The following NAV3 variants were observed in gnomAD, a reference collection of about 807,000 sequenced individuals.
The protein encoded by NAV3 is neuron navigator 3.
In NAV3, 87 loss-of-function variants were observed where a neutral mutation model predicts 244.7. That is an observed-to-expected ratio of 0.36 (90% CI 0.30 to 0.42). The LOEUF (loss-of-function observed/expected upper bound fraction) is 0.42. Ranked by LOEUF, NAV3 falls within the 20% of genes least tolerant of loss-of-function variation. The probability of loss-of-function intolerance (pLI) is 1.00; values close to 1 mark genes in which losing one functional copy is unlikely to be tolerated. For synonymous variants in NAV3, 1,126 were observed against 1,042.2 expected, an observed-to-expected ratio of 1.08 and a Z score of -1.55; for missense variants, 2,663 against 2,893.3, an observed-to-expected ratio of 0.92 and a Z score of 1.83.
rs760601445 is a variant in NAV3, at chr12:77,940,464, T to A, written c.361+28T>A. The A allele has an allele frequency of 1.6e-5, 24 of 1,548,278 alleles. No homozygotes were observed. The East Asian group carries it at 5.2e-4, about 33-fold the overall frequency. ...AAGCCCTTCCTTCTGAAAGAAAGCA[T>A]GAAAGTCTCTGCTCCCATCTCTTTG... On this transcript the variant is annotated intron_variant, in intron 2 of 39. Coordinates refer to ENST00000397909, the MANE Select transcript of NAV3 (RefSeq NM_001024383.2).
At position 78,144,737 on chromosome 12, in the gene NAV3, C is replaced by T. The variant is rs74107126; in HGVS notation, c.4684-1632C>T. Among the ~76,000 whole-genome samples the T allele has an allele frequency of 3.5e-3, 529 of 150,870 alleles. 5 individuals carry two copies. The highest frequency in any genetic ancestry group is 0.012 in the African/African-American group (481 of 41,224). On this transcript the variant is annotated intron_variant, in intron 20 of 39. Transcript: ENST00000397909. ...AAGAATAAATTATTATTTAAAAATA[C>T]ATGAATTATTTATTGATTCTTGAAT...
At chr12:77,708,742 G>A (rs1414953480) in intron 2 of NAV3, among the ~76,000 whole-genome samples, 1 of 152,150 alleles carries the variant, frequency 6.6e-6, no homozygotes, top group East Asian at 1.9e-4. Flanking sequence ...TTGTTGAGCA[G>A]TGGTTTGTAG....
At chr12:78,050,673 C>A (rs1882609827) in intron 10 of NAV3, 91 bp from the exon 11 acceptor site, 2 of 1,340,120 alleles carry the variant, frequency 1.5e-6, no homozygotes, top group Non-Finnish European at 2.0e-6. Flanking sequence ...TAAGAGATGA[C>A]CCTCAACTCC....
At chr12:77,745,945 T>G (rs543919277) in intron 2 of NAV3, among the ~76,000 whole-genome samples, 2 of 117,020 alleles carry the variant, frequency 1.7e-5, no homozygotes, top group South Asian at 5.1e-4. Context: ...AAAAACAGAC[T>G]AGAAATCCAG....
At chr12:77,713,545 T>C (rs374222646) in intron 2 of NAV3, among the ~76,000 whole-genome samples, 4 of 152,302 alleles carry the variant, frequency 2.6e-5, no homozygotes, top group African/African-American at 9.6e-5. Flanking sequence ...TGGTGTTTAA[T>C]GAGATCTGTA....
intron 2 of NAV3, among the ~76,000 whole-genome samples, chr12:77,671,171 C>T (rs1873953920): frequency 6.6e-6 from 1 of 152,034 alleles, no homozygotes; most frequent in Non-Finnish European, 1.5e-5. Flanking sequence ...AAATAAGGAA[C>T]TCAACACCTT....
intron 12 of NAV3, among the ~76,000 whole-genome samples, chr12:78,085,444 AG>A (rs1249519373): frequency 6.6e-6 from 1 of 152,168 alleles, no homozygotes; most frequent in Admixed American, 6.5e-5. Flanking sequence ...CACATGCCCA[AG>A]GCCAAAAGTC....
intron 2 of NAV3, among the ~76,000 whole-genome samples, chr12:77,640,049 A>T (rs1436987037): frequency 2.0e-5 from 3 of 152,178 alleles, no homozygotes; most frequent in African/African-American, 7.2e-5. Flanking sequence ...TCTTAGATCC[A>T]GATCTTAGAG....
rs75798053 is a variant in NAV3, at chr12:78,051,700, C to A, written c.2516+553C>A. On this transcript the variant is annotated intron_variant, in intron 11 of 39. Transcript: ENST00000397909. ...TTTTTCTTCTGTGTCCTATTACATTCCAAAACATGTTGTGATTGTAAAACT... is the reference window on the plus strand; with the variant it reads ...TTTTTCTTCTGTGTCCTATTACATTACAAAACATGTTGTGATTGTAAAACT... Among the ~76,000 whole-genome samples the A allele has an allele frequency of 4.7e-3, 720 of 152,186 alleles. 7 individuals carry two copies. The highest frequency in any genetic ancestry group is 0.017 in the African/African-American group (689 of 41,514).
chr12:78,116,354 T>C (rs1955377672), intron 12 of NAV3, among the ~76,000 whole-genome samples: 1 of 152,198 alleles, frequency 6.6e-6, no homozygotes, highest in East Asian at 1.9e-4. Context: ...TGAGGAATGA[T>C]TTTCTGGTTC....
chr12:78,043,125 C>T (rs373137930), intron 9 of NAV3, among the ~76,000 whole-genome samples: 179 of 152,220 alleles, frequency 1.2e-3, no homozygotes, highest in African/African-American at 4.1e-3. Flanking sequence ...TGATGTTCCC[C>T]TTCCTGTGTC....
intron 2 of NAV3, among the ~76,000 whole-genome samples, chr12:77,719,752 A>G (rs1313856270): frequency 3.3e-5 from 5 of 152,040 alleles, no homozygotes; most frequent in Non-Finnish European, 7.4e-5. Context: ...GACCTGTAGT[A>G]TTCTTTTCTT....
chr12:78,095,582 C>A (rs151110977), intron 12 of NAV3, among the ~76,000 whole-genome samples: 7 of 152,200 alleles, frequency 4.6e-5, no homozygotes, highest in African/African-American at 1.7e-4. Flanking sequence ...CATTGCAAAT[C>A]CAGGCTAGAG....
At chr12:77,630,297 G>C (rs150835233) in intron 2 of NAV3, among the ~76,000 whole-genome samples, 2,822 of 152,214 alleles carry the variant, frequency 0.019, 43 homozygotes, top group Non-Finnish European at 0.029. Context: ...GGGGGAGACT[G>C]TGCCTGTAGA....
chr12:78,054,655 G>A (rs1593408871), intron 11 of NAV3, among the ~76,000 whole-genome samples: 1 of 152,120 alleles, frequency 6.6e-6, no homozygotes, highest in Admixed American at 6.5e-5. Flanking sequence ...GAAAGTAATT[G>A]ATATGGGAAG....
At chr12:77,582,704 T>C (rs1869421557) in intron 2 of NAV3, among the ~76,000 whole-genome samples, 1 of 152,254 alleles carries the variant, frequency 6.6e-6, no homozygotes, top group South Asian at 2.1e-4. Context: ...GTGGTGCCAG[T>C]GACACATGTG....
intron 2 of NAV3, among the ~76,000 whole-genome samples, chr12:77,605,336 A>G (rs1870623559): frequency 1.3e-5 from 2 of 152,100 alleles, no homozygotes. Context: ...TCCTCTAATT[A>G]CCTATAAATA....
chr12:77,687,670 A>G (rs1385416116), intron 2 of NAV3, among the ~76,000 whole-genome samples: 1 of 152,162 alleles, frequency 6.6e-6, no homozygotes, highest in Non-Finnish European at 1.5e-5. Flanking sequence ...TAATAAAAAG[A>G]GAAACTCATG....
At chr12:77,592,896 C>A (rs1350320996) in intron 2 of NAV3, among the ~76,000 whole-genome samples, 1 of 152,058 alleles carries the variant, frequency 6.6e-6, no homozygotes, top group Non-Finnish European at 1.5e-5. Flanking sequence ...AATGGAAAGG[C>A]CAGAGGCTTT....
Sources: gnomAD v4.1 joint callset for allele counts (sites outside exome capture counted in the v4.1 genomes callset) on GRCh38, gnomAD v4.1.1 for gene constraint, MANE v1.5 for transcripts, NCBI Gene and HGNC (gene_info 2026-07-23, HGNC 2026-07-21) for gene names.